Variants in NTM observed in about 807,000 individuals in gnomAD.
The protein encoded by NTM is neurotrimin, also known as IgLON family member 2.
Under a neutral mutation model 42.1 loss-of-function variants are expected in NTM, and 13 were observed. The ratio of observed to expected loss-of-function variants is 0.31; its 90% CI spans 0.20 to 0.49. The LOEUF (loss-of-function observed/expected upper bound fraction) is 0.49. NTM is among the 20% of genes least tolerant of loss of function. NTM has a pLI of 0.99. For synonymous variants in NTM, 187 were observed against 179.2 expected (o/e 1.04, Z -0.35); for missense variants, 373 against 452.8 (o/e 0.82, Z 1.60).
intron 3 of NTM, among the ~76,000 whole-genome samples, chr11:132,201,510 G>T (rs2081153528): frequency 6.6e-6 from 1 of 152,334 alleles, no homozygotes; most frequent in African/African-American, 2.4e-5. Context: ...GGCTATGGCG[G>T]TTGGGAACTA....
At chr11:131,521,286 G>C in intron 1 of NTM, among the ~76,000 whole-genome samples, 1 of 147,854 alleles carries the variant, frequency 6.8e-6, no homozygotes, top group Non-Finnish European at 1.5e-5. Flanking sequence ...CTGTACTCCA[G>C]CCTGGGTGAC....
intron 1 of NTM, among the ~76,000 whole-genome samples, chr11:131,820,577 T>A (rs1334415595): frequency 1.3e-5 from 2 of 152,216 alleles, no homozygotes; most frequent in Admixed American, 6.5e-5. Context: ...CCTGAGAGTC[T>A]TTTCCTGATC....
chr11:131,372,539 G>A (rs916756428), intron 1 of NTM, among the ~76,000 whole-genome samples: 1 of 152,046 alleles, frequency 6.6e-6, no homozygotes, highest in East Asian at 1.9e-4. Flanking sequence ...GGGCAGTTTC[G>A]GAAAAGCAGT....
In NTM at chr11:131,547,460, C is replaced by T. The variant is rs547825549; in HGVS notation, c.82+176572C>T. Among the ~76,000 whole-genome samples the T allele has an allele frequency of 6.6e-5, 10 of 152,264 alleles. No individual in the cohort carries two copies. The East Asian group carries it at 1.7e-3, about 26-fold the overall frequency. The stretch of plus-strand genomic sequence containing the variant: ...GAGACTTTGAGGTGGGCAGAGCCTT[C>T]GGTGGCAGATGCCAGGCGCTAACCG... On this transcript the variant is annotated intron_variant, in intron 1 of 8. Coordinates refer to ENST00000683400, the MANE Select transcript of NTM (RefSeq NM_001352005.2).
chr11:132,149,745 G>C (rs1196429993), intron 3 of NTM, among the ~76,000 whole-genome samples: 1 of 152,162 alleles, frequency 6.6e-6, no homozygotes, highest in Non-Finnish European at 1.5e-5. Flanking sequence ...AGGGCATCCT[G>C]GGGGAGGAGG....
intron 1 of NTM, among the ~76,000 whole-genome samples, chr11:131,587,840 T>C (rs1244860792): frequency 6.6e-6 from 1 of 152,036 alleles, no homozygotes; most frequent in Non-Finnish European, 1.5e-5. Context: ...GAAGAGGTGG[T>C]CAGAGATCAA....
intron 1 of NTM, among the ~76,000 whole-genome samples, chr11:131,392,991 T>C (rs1944195862): frequency 6.6e-6 from 1 of 152,162 alleles, no homozygotes; most frequent in African/African-American, 2.4e-5. Flanking sequence ...AGAGAGTTCC[T>C]GTGGATGAGG....
intron 1 of NTM, among the ~76,000 whole-genome samples, chr11:131,488,186 G>A (rs1426982265): frequency 1.3e-5 from 2 of 152,144 alleles, no homozygotes; most frequent in African/African-American, 4.8e-5. Context: ...CCAAAACTTG[G>A]GGGGTTCAAA....
intron 1 of NTM, among the ~76,000 whole-genome samples, chr11:131,442,080 C>CCAATTATG (rs1949668885): frequency 6.6e-6 from 1 of 152,158 alleles, no homozygotes; most frequent in African/African-American, 2.4e-5. Flanking sequence ...TTCAGCAGCC[C>CCAATTATG]CAATTATGCG....
intron 4 of NTM, among the ~76,000 whole-genome samples, chr11:132,277,867 A>C (rs1315627664): frequency 6.6e-6 from 1 of 152,180 alleles, no homozygotes; most frequent in Non-Finnish European, 1.5e-5. Flanking sequence ...GCTACTGTTT[A>C]ATGAGAAATG....
intron 1 of NTM, among the ~76,000 whole-genome samples, chr11:131,711,476 A>T (rs965686707): frequency 3.9e-5 from 6 of 152,240 alleles, no homozygotes; most frequent in East Asian, 1.9e-4. Context: ...AAAAGTCAGG[A>T]AACAACAGGT....
intron 3 of NTM, among the ~76,000 whole-genome samples, chr11:132,177,653 A>G (rs759937766): frequency 3.9e-5 from 6 of 152,236 alleles, no homozygotes; most frequent in Non-Finnish European, 5.9e-5. Context: ...ATAAGAAGCC[A>G]TAACTGAGTT....
chr11:132,158,004 T>C (rs895712597), intron 3 of NTM, among the ~76,000 whole-genome samples: 3 of 152,230 alleles, frequency 2.0e-5, no homozygotes, highest in Admixed American at 6.5e-5. Context: ...CACAGCTTTC[T>C]ACCTAACTGG....
At chr11:131,740,251 G>T (rs2081013907) in intron 1 of NTM, among the ~76,000 whole-genome samples, 1 of 152,158 alleles carries the variant, frequency 6.6e-6, no homozygotes, top group Non-Finnish European at 1.5e-5. Context: ...GCATCCATGT[G>T]CCTCGATTTC....
At chr11:131,488,589 C>T (rs972462723) in intron 1 of NTM, among the ~76,000 whole-genome samples, 3 of 152,186 alleles carry the variant, frequency 2.0e-5, no homozygotes, top group Admixed American at 2.0e-4. Flanking sequence ...TTCACGATGG[C>T]AAGTGCAGCA....
chr11:132,088,635 C>T (rs1287700754), intron 2 of NTM, among the ~76,000 whole-genome samples: 2 of 152,188 alleles, frequency 1.3e-5, no homozygotes, highest in Admixed American at 1.3e-4. Flanking sequence ...TGGCTCTACC[C>T]AATTCCTCCA....
At chr11:131,551,383 G>A (rs1294627174) in intron 1 of NTM, among the ~76,000 whole-genome samples, 1 of 150,650 alleles carries the variant, frequency 6.6e-6, no homozygotes, top group African/African-American at 2.5e-5. Context: ...AGGGTGAAGG[G>A]AGCACATCTA....
At chr11:131,714,185 T>C (rs1172145611) in intron 1 of NTM, among the ~76,000 whole-genome samples, 1 of 150,722 alleles carries the variant, frequency 6.6e-6, no homozygotes, top group Admixed American at 6.6e-5. Flanking sequence ...TTCAGATTTT[T>C]ATTTATTTAT....
At chr11:131,584,323 A>G (rs1028823397) in intron 1 of NTM, among the ~76,000 whole-genome samples, 67 of 152,306 alleles carry the variant, frequency 4.4e-4, no homozygotes, top group African/African-American at 1.6e-3. Flanking sequence ...AGCATTTTCT[A>G]ATAATACTTT....
Sources: gnomAD v4.1 joint callset for allele counts (sites outside exome capture counted in the v4.1 genomes callset) on GRCh38, gnomAD v4.1.1 for gene constraint, MANE v1.5 for transcripts, NCBI Gene and HGNC (gene_info 2026-07-23, HGNC 2026-07-21) for gene names.